Variants in LSAMP observed in about 807,000 individuals in gnomAD.
The protein encoded by LSAMP is limbic system associated membrane protein.
In LSAMP, 7 loss-of-function variants were observed where a neutral mutation model predicts 38.6. The observed-to-expected ratio is 0.18, with a 90% CI of 0.10 to 0.34. The LOEUF (loss-of-function observed/expected upper bound fraction) is 0.34, where lower values mean the gene tolerates loss of function less well. Ranked by LOEUF, LSAMP falls within the 10% of genes least tolerant of loss-of-function variation. The pLI is 1.00. For synonymous variants in LSAMP, 154 were observed against 166.8 expected, an observed-to-expected ratio of 0.92 and a Z score of 0.59; for missense variants, 313 against 420.0, an observed-to-expected ratio of 0.75 and a Z score of 2.23.
At chr3:115,880,297 G>A (rs528944322) in intron 3 of LSAMP, among the ~76,000 whole-genome samples, 2 of 152,230 alleles carry the variant, frequency 1.3e-5, no homozygotes, top group South Asian at 4.1e-4. Flanking sequence ...TCATGTTATA[G>A]AGAAACTCCC....
At chr3:116,227,913 C>T (rs961530178) in intron 1 of LSAMP, among the ~76,000 whole-genome samples, 2 of 152,236 alleles carry the variant, frequency 1.3e-5, no homozygotes, top group Non-Finnish European at 2.9e-5. Flanking sequence ...AAACATTCTA[C>T]ACTTGTCTAA....
chr3:116,086,309 C>A lies in LSAMP; in HGVS notation c.388+15G>T. 6.2e-7 allele frequency: 1 copy of A among 1,604,694 alleles called. No individual in the cohort carries two copies. Among genetic ancestry groups the A allele is most frequent in the Non-Finnish European group, 8.5e-7 (1 of 1,171,646 alleles). On this transcript the variant is annotated intron_variant, in intron 2 of 6. Coordinates refer to ENST00000490035, the MANE Select transcript of LSAMP (RefSeq NM_002338.5). ...ACCTCTTTCTTACCACCCTTCTATC[C>A]CACACTTTCCTTACCTTGTACGATC...
rs146946482 is a variant in LSAMP, at chr3:116,169,476, G to C, written c.156-82920C>G. On this transcript the variant is annotated intron_variant, in intron 1 of 6. Transcript: ENST00000490035. The stretch of plus-strand genomic sequence containing the variant: ...ATCATAGGTTAAGCTTCCAGAGCCT[G>C]CTTCCCTCCCATTCACATTCTTCTT... 9.9e-4 allele frequency among the ~76,000 whole-genome samples: 151 copies of C among 152,266 alleles called. 1 individual carries two copies. The highest frequency in any genetic ancestry group is 3.3e-3 in the African/African-American group (139 of 41,562).
At chr3:116,346,525 C>T (rs1354473622) in intron 1 of LSAMP, among the ~76,000 whole-genome samples, 1 of 152,028 alleles carries the variant, frequency 6.6e-6, no homozygotes, top group Non-Finnish European at 1.5e-5. Flanking sequence ...GACTGGGTTT[C>T]ACCATGTTGT....
chr3:116,057,946 CA>C (rs2107742748), intron 2 of LSAMP, among the ~76,000 whole-genome samples: 1 of 106,502 alleles, frequency 9.4e-6, no homozygotes, highest in Non-Finnish European at 2.1e-5. Context: ...CACACACACA[CA>C]CACACACACC....
At chr3:116,076,500 G>T (rs910176090) in intron 2 of LSAMP, among the ~76,000 whole-genome samples, 1 of 151,880 alleles carries the variant, frequency 6.6e-6, no homozygotes, top group Non-Finnish European at 1.5e-5. Flanking sequence ...CTCATGATCT[G>T]CCCACCTCAG....
At chr3:115,918,891 C>G (rs185439001) in intron 3 of LSAMP, among the ~76,000 whole-genome samples, 1 of 152,150 alleles carries the variant, frequency 6.6e-6, no homozygotes, top group East Asian at 1.9e-4. Flanking sequence ...GTATTTTTCT[C>G]ATTTAATCTT....
chr3:115,811,240 T>G (rs1290992824), intron 6 of LSAMP, among the ~76,000 whole-genome samples: 1 of 151,990 alleles, frequency 6.6e-6, no homozygotes, highest in African/African-American at 2.4e-5. Flanking sequence ...TTGGGGGATG[T>G]GGGTGTGGGT....
chr3:116,403,808 G>A (rs187596904), intron 1 of LSAMP, among the ~76,000 whole-genome samples: 1 of 151,830 alleles, frequency 6.6e-6, no homozygotes, highest in South Asian at 2.1e-4. Context: ...TGGAGTGCAG[G>A]GGGGGTGATC....
At chr3:116,435,750 A>G (rs2049341355) in intron 1 of LSAMP, among the ~76,000 whole-genome samples, 1 of 152,152 alleles carries the variant, frequency 6.6e-6, no homozygotes, top group Non-Finnish European at 1.5e-5. Flanking sequence ...TAAATAATAA[A>G]TCTACAAGGA....
intron 2 of LSAMP, among the ~76,000 whole-genome samples, chr3:116,021,080 C>G (rs1940625804): frequency 6.6e-6 from 1 of 152,100 alleles, no homozygotes; most frequent in Non-Finnish European, 1.5e-5. Flanking sequence ...AGGACCCTCT[C>G]CACCTCAGCA....
intron 3 of LSAMP, among the ~76,000 whole-genome samples, chr3:115,924,455 A>T (rs1439799897): frequency 2.0e-5 from 3 of 152,206 alleles, no homozygotes; most frequent in Non-Finnish European, 4.4e-5. Flanking sequence ...GGTCACAGAG[A>T]GAATGTTTGA....
chr3:115,987,853 A>G (rs1402005112), intron 3 of LSAMP, among the ~76,000 whole-genome samples: 5 of 152,200 alleles, frequency 3.3e-5, no homozygotes, highest in Non-Finnish European at 5.9e-5. Context: ...TAAAAATTGC[A>G]TGGAATGACT....
chr3:116,045,594 C>T (rs1941273772), intron 2 of LSAMP, among the ~76,000 whole-genome samples: 1 of 138,910 alleles, frequency 7.2e-6, no homozygotes, highest in South Asian at 2.4e-4. Flanking sequence ...CAGAGTTTTT[C>T]AAATCATCTC....
intron 2 of LSAMP, among the ~76,000 whole-genome samples, chr3:116,074,918 A>C (rs1459539235): frequency 7.3e-6 from 1 of 136,846 alleles, no homozygotes; most frequent in Non-Finnish European, 1.5e-5. Flanking sequence ...ATCTCGGCTC[A>C]CCGCAACCTC....
intron 1 of LSAMP, among the ~76,000 whole-genome samples, chr3:116,286,810 C>G (rs1300275912): frequency 2.0e-5 from 3 of 151,626 alleles, no homozygotes; most frequent in Non-Finnish European, 4.4e-5. Context: ...GTAGAAGAGC[C>G]TACTATTAAA....
At chr3:116,029,694 T>C (rs373779261) in intron 2 of LSAMP, among the ~76,000 whole-genome samples, 5 of 152,072 alleles carry the variant, frequency 3.3e-5, no homozygotes, top group Non-Finnish European at 7.4e-5. Flanking sequence ...TCATCTCCCT[T>C]TAATCCTCTT....
At chr3:115,957,166 C>G (rs1938479196) in intron 3 of LSAMP, among the ~76,000 whole-genome samples, 1 of 152,134 alleles carries the variant, frequency 6.6e-6, no homozygotes, top group East Asian at 1.9e-4. Context: ...GCATGAGAAT[C>G]CTGGCATTTT....
intron 3 of LSAMP, among the ~76,000 whole-genome samples, chr3:115,982,254 G>C (rs1371050107): frequency 6.6e-6 from 1 of 152,148 alleles, no homozygotes; most frequent in Non-Finnish European, 1.5e-5. Flanking sequence ...GTATGAAGGA[G>C]ATATTTACAG....
Sources: allele counts gnomAD v4.1 joint callset (sites outside exome capture counted in the v4.1 genomes callset), GRCh38; gene constraint gnomAD v4.1.1; transcripts MANE v1.5; gene names NCBI Gene and HGNC (gene_info 2026-07-23, HGNC 2026-07-21).